The following IGF1R variants were observed in gnomAD, a reference collection of about 807,000 sequenced individuals.
IGF1R encodes insulin like growth factor 1 receptor, also known as insulin-like growth factor 1 receptor.
A neutral mutation model predicts 144.6 loss-of-function variants in IGF1R; 44 were observed. That is an observed-to-expected ratio of 0.30 (90% CI 0.24 to 0.39). The LOEUF (loss-of-function observed/expected upper bound fraction) is 0.39. Among genes scored for constraint, IGF1R ranks in the 10% least tolerant of loss-of-function variants. IGF1R has a pLI of 1.00. For synonymous variants in IGF1R, 795 were observed against 722.8 expected (o/e 1.10, Z -1.60); for missense variants, 1,355 against 1,833.7 (o/e 0.74, Z 4.77).
At chr15:98,862,426 C>G (rs1172857033) in intron 2 of IGF1R, among the ~76,000 whole-genome samples, 1 of 152,182 alleles carries the variant, frequency 6.6e-6, no homozygotes, top group Non-Finnish European at 1.5e-5. Context: ...AAATTAAATG[C>G]TAGGCAATAT....
In IGF1R at chr15:98,904,444, C is replaced by G. The variant is rs115442201; in HGVS notation, c.1248-4241C>G. Among the ~76,000 whole-genome samples, 1,250 of 152,264 alleles carry G rather than the reference C, an allele frequency of 8.2e-3. 14 individuals are homozygous for G. Among genetic ancestry groups the G allele is most frequent in the African/African-American group, 0.029 (1,204 of 41,550 alleles). On this transcript the variant is annotated intron_variant, in intron 5 of 20. Coordinates refer to ENST00000650285, the MANE Select transcript of IGF1R (RefSeq NM_000875.5). ...CAAAGAGGAAACATTGTCTGAATAT[C>G]TGTATGGTGCCTGGTTCCACCTAGA...
intron 2 of IGF1R, among the ~76,000 whole-genome samples, chr15:98,858,808 T>C (rs1005895542): frequency 3.3e-5 from 5 of 152,258 alleles, no homozygotes; most frequent in African/African-American, 1.2e-4. Context: ...ACCCTGCTTT[T>C]ATTTTTGAAC....
chr15:98,675,826 C>CTTTTTTTTTTTTTTTTT (rs869068918), intron 1 of IGF1R, among the ~76,000 whole-genome samples: 5 of 46,148 alleles, frequency 1.1e-4, no homozygotes, highest in Admixed American at 2.9e-4. Context: ...TTCTTTCTTT[C>CTTTTTTTTTTTTTTTTT]TTTTTTTTTT....
At chr15:98,953,691 C>T (rs764709165) in intron 20 of IGF1R, among the ~76,000 whole-genome samples, 14 of 152,206 alleles carry the variant, frequency 9.2e-5, no homozygotes, top group Non-Finnish European at 1.9e-4. Context: ...TTGCCAGAGA[C>T]GTCTTTGGTC....
chr15:98,757,744 T>G (rs894442443), intron 2 of IGF1R, among the ~76,000 whole-genome samples: 6 of 152,304 alleles, frequency 3.9e-5, no homozygotes, highest in Admixed American at 1.3e-4. Flanking sequence ...TAAAACCCAT[T>G]GAGACATTTT....
At chr15:98,875,119 C>T (rs1266301007) in intron 2 of IGF1R, among the ~76,000 whole-genome samples, 2 of 152,014 alleles carry the variant, frequency 1.3e-5, no homozygotes, top group African/African-American at 4.8e-5. Flanking sequence ...CCCAGGTCCT[C>T]GGCTCCGGGA....
chr15:98,673,730 T>C (rs1398700521), intron 1 of IGF1R, among the ~76,000 whole-genome samples: 1 of 152,130 alleles, frequency 6.6e-6, no homozygotes. Flanking sequence ...AGCTGGGTGC[T>C]CTGAATGAGC....
intron 1 of IGF1R, among the ~76,000 whole-genome samples, chr15:98,692,320 A>G (rs1022226495): frequency 2.0e-5 from 3 of 152,170 alleles, no homozygotes; most frequent in African/African-American, 4.8e-5. Flanking sequence ...CCTGGGTGAC[A>G]GTGTGAGACC....
intron 1 of IGF1R, among the ~76,000 whole-genome samples, chr15:98,671,494 G>C (rs1479216531): frequency 6.6e-6 from 1 of 152,202 alleles, no homozygotes; most frequent in Non-Finnish European, 1.5e-5. Context: ...CAAGATTTGT[G>C]TGGTGGTAGG....
intron 10 of IGF1R, among the ~76,000 whole-genome samples, chr15:98,921,398 T>A (rs2015479454): frequency 6.6e-6 from 1 of 152,176 alleles, no homozygotes; most frequent in African/African-American, 2.4e-5. Context: ...TGCACTCCCT[T>A]TTGCTTTTCG....
chr15:98,837,312 C>T lies in IGF1R; in HGVS notation c.641-54013C>T, dbSNP rs146243584. 4.1e-3 allele frequency among the ~76,000 whole-genome samples: 625 copies of T among 152,226 alleles called. 22 individuals carry two copies. In the South Asian group the frequency reaches 0.059, roughly 14 times the overall value. Reference sequence around the variant, plus strand: ...GGAGTGCAGTGGCGCAATCTCGGCTCACTGCAACCTCCAACTCCCTGGTTC... The same window carrying T: ...GGAGTGCAGTGGCGCAATCTCGGCTTACTGCAACCTCCAACTCCCTGGTTC... On this transcript the variant is annotated intron_variant, in intron 2 of 20. Transcript: ENST00000650285.
chr15:98,950,337 A>G (rs994820363), intron 20 of IGF1R, among the ~76,000 whole-genome samples: 6 of 152,194 alleles, frequency 3.9e-5, no homozygotes, highest in Admixed American at 6.5e-5. Flanking sequence ...TTGGTCTCCT[A>G]CAGTGTCTGT....
chr15:98,938,065 T>C (rs750102435), intron 17 of IGF1R, among the ~76,000 whole-genome samples: 8 of 152,232 alleles, frequency 5.3e-5, no homozygotes, highest in Non-Finnish European at 7.3e-5. Flanking sequence ...GGAGTTGTTA[T>C]AATGATTCCA....
chr15:98,943,739 C>T (rs1042142013), intron 19 of IGF1R, among the ~76,000 whole-genome samples: 3 of 152,240 alleles, frequency 2.0e-5, no homozygotes, highest in Non-Finnish European at 4.4e-5. Context: ...GGCCCTGGCA[C>T]AGGCACCTTC....
chr15:98,701,866 C>A (rs115371960), intron 1 of IGF1R, among the ~76,000 whole-genome samples: 86 of 152,186 alleles, frequency 5.7e-4, no homozygotes, highest in African/African-American at 2.0e-3. Context: ...AAAGGTATTA[C>A]TGTTTGCAGT....
chr15:98,698,332 C>A (rs991457218), intron 1 of IGF1R, among the ~76,000 whole-genome samples: 1 of 152,200 alleles, frequency 6.6e-6, no homozygotes, highest in Admixed American at 6.5e-5. Context: ...CCACCACGCC[C>A]ACCGGCCTCC....
chr15:98,748,481 C>T (rs1029784130), intron 2 of IGF1R, among the ~76,000 whole-genome samples: 7 of 152,220 alleles, frequency 4.6e-5, no homozygotes, highest in African/African-American at 9.7e-5. Context: ...AGTCCGTGTA[C>T]ACTTTCACAC....
intron 1 of IGF1R, among the ~76,000 whole-genome samples, chr15:98,656,422 G>A (rs2052486301): frequency 6.6e-6 from 1 of 152,262 alleles, no homozygotes; most frequent in South Asian, 2.1e-4. Flanking sequence ...GGTGGCCCGT[G>A]CCTATAATCC....
At chr15:98,741,508 A>T (rs2054744333) in intron 2 of IGF1R, among the ~76,000 whole-genome samples, 1 of 152,114 alleles carries the variant, frequency 6.6e-6, no homozygotes, top group African/African-American at 2.4e-5. Flanking sequence ...ATGTTGGAAA[A>T]TAGCATCCTC....
Sources: gnomAD v4.1 joint callset for allele counts (sites outside exome capture counted in the v4.1 genomes callset) on GRCh38, gnomAD v4.1.1 for gene constraint, MANE v1.5 for transcripts, NCBI Gene and HGNC (gene_info 2026-07-23, HGNC 2026-07-21) for gene names.